ZNF322: variants seen among roughly 807,000 people sequenced by gnomAD.
ZNF322 encodes zinc finger protein 322, also known as HLA complex group 12.
In ZNF322, 1 loss-of-function variant was observed where a neutral mutation model predicts 18.3. That is an observed-to-expected ratio of 0.05 (90% CI 0.02 to 0.26). The LOEUF is 0.26. Among genes scored for constraint, ZNF322 ranks in the 10% least tolerant of loss-of-function variants. The pLI, the probability that ZNF322 is intolerant of heterozygous loss-of-function variation, is 1.00. For missense variants in ZNF322, 36 were observed against 403.6 expected (o/e 0.09, Z 7.80); for synonymous variants, 17 against 130.7 (o/e 0.13, Z 5.93).
chr6:26,649,655 GTGTGTGTGTGTGTGTGTGTGTATATATA>G (rs1403089561), intron 2 of ZNF322, among the ~76,000 whole-genome samples: 1 of 42,694 alleles, frequency 2.3e-5, no homozygotes, highest in Non-Finnish European at 4.7e-5. Flanking sequence ...GTGTGTGTGT[GTGTGTGTGTGTGTGTGTGTGTATATATA>G]TATATATATA....
intron 2 of ZNF322, among the ~76,000 whole-genome samples, chr6:26,652,256 G>A (rs1157154831): frequency 1.3e-5 from 2 of 152,192 alleles, no homozygotes; most frequent in Non-Finnish European, 1.5e-5. Context: ...GAGAAGACAA[G>A]CCACAGACTG....
At chr6:26,647,410 G>A (rs1472653470) in intron 2 of ZNF322, among the ~76,000 whole-genome samples, 1 of 151,186 alleles carries the variant, frequency 6.6e-6, no homozygotes, top group Admixed American at 6.6e-5. Context: ...TAAAGAAACA[G>A]ATAAACCACT....
At chr6:26,652,539 A>C (rs782522837) in intron 2 of ZNF322, among the ~76,000 whole-genome samples, 3 of 152,046 alleles carry the variant, frequency 2.0e-5, no homozygotes, top group Non-Finnish European at 2.9e-5. Context: ...AAATACAAAA[A>C]ATTAGCTGAG....
At chr6:26,644,549 G>GA (rs1425043862) in intron 2 of ZNF322, among the ~76,000 whole-genome samples, 3 of 152,224 alleles carry the variant, frequency 2.0e-5, no homozygotes, top group African/African-American at 7.2e-5. Flanking sequence ...AGTCTGGACA[G>GA]AATGTATGGC....
At chr6:26,650,421 T>A (rs1765647247) in intron 2 of ZNF322, 1 of 152,010 alleles carries the variant, frequency 6.6e-6, no homozygotes, top group Non-Finnish European at 1.5e-5. Flanking sequence ...CTTTTCAACA[T>A]AATACTGGAA....
intron 2 of ZNF322, among the ~76,000 whole-genome samples, chr6:26,647,166 A>G (rs184551639): frequency 4.6e-5 from 7 of 152,206 alleles, no homozygotes; most frequent in African/African-American, 1.7e-4. Context: ...TAGGTATGGT[A>G]GCTCATACCT....
Position 26,652,690 on chromosome 6 carries a change from C to CAA in ZNF322, c.-246+5866_-246+5867dup, listed in dbSNP as rs1381833822. 3.6e-5 allele frequency among the ~76,000 whole-genome samples: 5 copies of CAA among 137,956 alleles called. No individual in the cohort carries two copies. In the East Asian group the frequency reaches 8.0e-4, roughly 22 times the overall value. 90.5% of individuals were successfully genotyped at this position (137,956 alleles called of 152,430 possible). A position where few individuals can be genotyped will look rare whatever the true frequency, so the allele number is the denominator to read the frequency against. ...GGGCAACAAGAGTGAAACTCCGTCTCAAAAAAAAAAAAAAAATTGTAGATA... is the reference window on the plus strand; with the variant it reads ...GGGCAACAAGAGTGAAACTCCGTCTCAAAAAAAAAAAAAAAAAATTGTAGATA... On this transcript the variant is annotated intron_variant, in intron 2 of 3. Coordinates refer to ENST00000415922, the MANE Select transcript of ZNF322 (RefSeq NM_024639.5).
intron 2 of ZNF322, among the ~76,000 whole-genome samples, chr6:26,654,589 A>C (rs13210025): frequency 0.19 from 29,338 of 152,084 alleles, 2,954 homozygotes; most frequent in African/African-American, 0.23. Flanking sequence ...GAACATTGAA[A>C]TAAGTAATAA....
At chr6:26,654,340 C>T (rs1765727175) in intron 2 of ZNF322, among the ~76,000 whole-genome samples, 1 of 151,828 alleles carries the variant, frequency 6.6e-6, no homozygotes, top group Non-Finnish European at 1.5e-5. Flanking sequence ...ACAATAAAAT[C>T]CTAGTAGTAA....
chr6:26,655,482 A>C lies in ZNF322; in HGVS notation c.-246+3076T>G, dbSNP rs1463570920. On this transcript the variant is annotated intron_variant, in intron 2 of 3. Transcript: ENST00000415922. The stretch of plus-strand genomic sequence containing the variant: ...CTCAGTTCTCCTAGGGATGGCATGT[A>C]GCTAGCAGTACTGTACATGCATAGG... Among the ~76,000 whole-genome samples, 2 of 152,244 alleles carry C rather than the reference A, an allele frequency of 1.3e-5. 1 individual carries two copies.
intron 2 of ZNF322, among the ~76,000 whole-genome samples, chr6:26,646,475 C>T (rs1281334817): frequency 6.6e-6 from 1 of 152,114 alleles, no homozygotes; most frequent in African/African-American, 2.4e-5. Context: ...TTCTAAATTA[C>T]ACTAAAGTCA....
chr6:26,642,625 G>C (rs1397675327), intron 3 of ZNF322, among the ~76,000 whole-genome samples: 1 of 152,154 alleles, frequency 6.6e-6, no homozygotes, highest in East Asian at 1.9e-4. Context: ...CAAGTCCACA[G>C]TATACTCTGT....
intron 2 of ZNF322, among the ~76,000 whole-genome samples, chr6:26,649,192 A>T (rs1407675075): frequency 3.3e-5 from 5 of 152,246 alleles, no homozygotes; most frequent in Non-Finnish European, 7.3e-5. Flanking sequence ...AAGACAGACT[A>T]TGAAGGGTAA....
chr6:26,655,330 G>T (rs1765749816), intron 2 of ZNF322, among the ~76,000 whole-genome samples: 1 of 152,152 alleles, frequency 6.6e-6, no homozygotes, highest in African/African-American at 2.4e-5. Flanking sequence ...TCCGATAATG[G>T]TAATGATAAT....
intron 2 of ZNF322, among the ~76,000 whole-genome samples, chr6:26,653,142 A>C (rs1765703491): frequency 6.6e-6 from 1 of 152,258 alleles, no homozygotes; most frequent in South Asian, 2.1e-4. Context: ...AGTCTATAAA[A>C]AAAGAAATAA....
chr6:26,652,915 G>T (rs1765698620), intron 2 of ZNF322, among the ~76,000 whole-genome samples: 3 of 151,934 alleles, frequency 2.0e-5, no homozygotes, highest in Admixed American at 2.0e-4. Flanking sequence ...GGACATATGG[G>T]TACTCTCTGT....
At chr6:26,649,687 ATATATATATATATATTTT>A (rs1765628536) in intron 2 of ZNF322, among the ~76,000 whole-genome samples, 3 of 76,970 alleles carry the variant, frequency 3.9e-5, no homozygotes, top group African/African-American at 1.8e-4. Context: ...ATATATATAT[ATATATATATATATATTTT>A]TTTTTTTTTT....
intron 2 of ZNF322, among the ~76,000 whole-genome samples, chr6:26,652,698 A>T (rs2494715): frequency 0.64 from 96,862 of 150,478 alleles, 31,386 homozygotes; most frequent in East Asian, 0.79. Flanking sequence ...CTCAAAAAAA[A>T]AAAAAAAATT....
intron 2 of ZNF322, among the ~76,000 whole-genome samples, chr6:26,653,391 C>T (rs1765708681): frequency 6.6e-6 from 1 of 152,098 alleles, no homozygotes. Context: ...TGAAGATTCA[C>T]CTCCAATAAC....
Sources: gnomAD v4.1 joint callset for allele counts (sites outside exome capture counted in the v4.1 genomes callset) on GRCh38, gnomAD v4.1.1 for gene constraint, MANE v1.5 for transcripts, NCBI Gene and HGNC (gene_info 2026-07-23, HGNC 2026-07-21) for gene names.